Variants in MACF1 observed in about 807,000 individuals in gnomAD.
The protein encoded by MACF1 is microtubule-actin cross-linking factor 1.
A neutral mutation model predicts 854.8 loss-of-function variants in MACF1; 193 were observed. The ratio of observed to expected loss-of-function variants is 0.23; its 90% CI spans 0.20 to 0.25. The LOEUF is 0.25. MACF1 is among the 10% of genes least tolerant of loss of function. MACF1 has a pLI of 1.00. For synonymous variants in MACF1, 3,185 were observed against 3,226.7 expected (o/e 0.99, Z 0.44); for missense variants, 7,722 against 8,929.1 (o/e 0.86, Z 5.45).
At chr1:39,418,660 C>T (rs2148629833) in intron 58 of MACF1, among the ~76,000 whole-genome samples, 1 of 152,320 alleles carries the variant, frequency 6.6e-6, no homozygotes, top group East Asian at 1.9e-4. Flanking sequence ...GTCAGGAGTT[C>T]AAGACCAGCC....
chr1:39,344,981 T>C lies in MACF1; in HGVS notation c.10582-1996T>C, dbSNP rs1431365052. Among the ~76,000 whole-genome samples the C allele has an allele frequency of 2.6e-5, 4 of 152,058 alleles. No homozygotes were observed. In the East Asian group the frequency reaches 7.7e-4, roughly 29 times the overall value. ...TCTTGGAGGTGACCATCAGGTGATG[T>C]GGAGGTGGGCAGGGCCTCTCATGCC... is the stretch of plus-strand genomic sequence containing the variant. On this transcript the variant is annotated intron_variant, in intron 40 of 100. Coordinates refer to ENST00000564288, the MANE Select transcript of MACF1 (RefSeq NM_001394062.1).
At chr1:39,190,602 G>C (rs1272849697) in intron 2 of MACF1, among the ~76,000 whole-genome samples, 1 of 151,412 alleles carries the variant, frequency 6.6e-6, no homozygotes. Context: ...GCCTCCCAAA[G>C]TACTGCGATT....
rs778731277 is a variant in MACF1 at position 39,428,111 on chromosome 1, G to T, written c.16627G>T (p.Asp5543Tyr). ...GCAGGCCCGATACAGTGAAATTCAA[G>T]ACCGCTGTTGTCGGAAGGCAGCCCT... ...SLQARYSEIQ[D>Y]RCCRKAALLD... The change falls in exon 63 of 101, where the codon GAC becomes TAC. Residue 5543 changes from aspartate to tyrosine, a missense_variant. Asp to Tyr is a radical substitution (Grantham distance 160, BLOSUM62 -3). Coordinates refer to ENST00000564288, the MANE Select transcript of MACF1 (RefSeq NM_001394062.1). 1 of 1,614,202 alleles carries T rather than the reference G, an allele frequency of 6.2e-7. No homozygotes were observed. The highest frequency in any genetic ancestry group is 8.5e-7 in the Non-Finnish European group (1 of 1,180,044).
At chr1:39,176,628 A>G (rs904052183) in intron 2 of MACF1, among the ~76,000 whole-genome samples, 1 of 152,140 alleles carries the variant, frequency 6.6e-6, no homozygotes. Flanking sequence ...AATTCTTGTT[A>G]TACTTACTAA....
At chr1:39,347,577 T>C (rs1647082619) in intron 41 of MACF1, among the ~76,000 whole-genome samples, 1 of 152,200 alleles carries the variant, frequency 6.6e-6, no homozygotes, top group Non-Finnish European at 1.5e-5. Flanking sequence ...TTTTGAGGGC[T>C]CGTAAGAACA....
intron 2 of MACF1, among the ~76,000 whole-genome samples, chr1:39,136,860 A>G (rs79568645): frequency 0.031 from 4,688 of 152,312 alleles, 115 homozygotes; most frequent in Middle Eastern, 0.078. Context: ...GTATGACAGT[A>G]GAATAAAGAC....
At chr1:39,126,335 A>G (rs1475950575) in intron 2 of MACF1, among the ~76,000 whole-genome samples, 3 of 152,156 alleles carry the variant, frequency 2.0e-5, no homozygotes, top group African/African-American at 7.2e-5. Context: ...TCTGTGTTCA[A>G]ATGTCCCCTT....
intron 33 of MACF1, among the ~76,000 whole-genome samples, chr1:39,323,454 A>G (rs1646549711): frequency 6.6e-6 from 1 of 150,650 alleles, no homozygotes; most frequent in Admixed American, 6.6e-5. Context: ...ATATAATTAA[A>G]TTATTATATA....
At chr1:39,366,281 G>A (rs1648703602) in intron 49 of MACF1, among the ~76,000 whole-genome samples, 2 of 152,122 alleles carry the variant, frequency 1.3e-5, no homozygotes, top group Admixed American at 1.3e-4. Context: ...TTATGGATGT[G>A]TTTCCATCTA....
intron 72 of MACF1, among the ~76,000 whole-genome samples, chr1:39,440,158 G>A (rs1570090931): frequency 7.5e-6 from 1 of 133,446 alleles, no homozygotes; most frequent in African/African-American, 3.0e-5. Flanking sequence ...GGTCACCCAG[G>A]CTGGATTGCA....
Position 39,480,908 on chromosome 1 carries a change from T to G in MACF1, c.22171-12T>G. The G allele has an allele frequency of 1.4e-6, 2 of 1,466,754 alleles. No homozygotes were observed. Among genetic ancestry groups the G allele is most frequent in the Non-Finnish European group, 1.9e-6 (2 of 1,070,384 alleles). The allele number at this position is 1,466,754 out of a possible 1,614,324, so 90.9% of individuals were successfully genotyped here. ...TTGTTCCTGTCCTTCCCTTTGGATT[T>G]CCGTTTCACAGACTTCACTTCAGTT... On this transcript the variant is annotated splice_polypyrimidine_tract_variant and intron_variant, in intron 98 of 100. Transcript: ENST00000564288.
chr1:39,177,196 C>T (rs1644040526), intron 2 of MACF1, among the ~76,000 whole-genome samples: 1 of 152,062 alleles, frequency 6.6e-6, no homozygotes, highest in Non-Finnish European at 1.5e-5. Context: ...AGTGCAATGG[C>T]GCAATCTTGG....
At chr1:39,225,406 CAG>C (rs1461116987) in intron 1 of MACF1, among the ~76,000 whole-genome samples, 1 of 151,348 alleles carries the variant, frequency 6.6e-6, no homozygotes, top group African/African-American at 2.4e-5. Context: ...TTAGTAGAGA[CAG>C]GGTTTCACCT....
intron 2 of MACF1, among the ~76,000 whole-genome samples, chr1:39,086,867 T>G (rs1271335259): frequency 6.6e-6 from 1 of 152,180 alleles, no homozygotes; most frequent in Non-Finnish European, 1.5e-5. Flanking sequence ...CTGACACTGC[T>G]GAATGCCTCT....
At chr1:39,187,895 T>TCTGTCTCTCTCTGTCTCTCTCTC (rs1553160207) in intron 2 of MACF1, among the ~76,000 whole-genome samples, 1 of 68,398 alleles carries the variant, frequency 1.5e-5, no homozygotes, top group South Asian at 8.8e-4. Context: ...TCTCTCTCTC[T>TCTGTCTCTCTCTGTCTCTCTCTC]CTCTCTCCTC....
intron 2 of MACF1, among the ~76,000 whole-genome samples, chr1:39,135,229 GT>G (rs946857210): frequency 2.0e-5 from 3 of 151,926 alleles, no homozygotes; most frequent in Non-Finnish European, 2.9e-5. Flanking sequence ...TTATTTTTGG[GT>G]TTTTTTGACA....
At chr1:39,316,368 G>C (rs1203170794) in intron 27 of MACF1, 23 bp from the exon 28 acceptor site, 1 of 1,582,694 alleles carries the variant, frequency 6.3e-7, no homozygotes, top group East Asian at 2.3e-5. Flanking sequence ...TGTTAATGAA[G>C]GAATGTGTAT....
intron 58 of MACF1, among the ~76,000 whole-genome samples, chr1:39,418,969 A>G (rs969942462): frequency 2.0e-5 from 3 of 152,210 alleles, no homozygotes; most frequent in Admixed American, 6.5e-5. Flanking sequence ...AACAATTTTT[A>G]CTAGTGTACT....
At chr1:39,412,114 T>A (rs768355724) in intron 58 of MACF1, 8 of 1,613,880 alleles carry the variant, frequency 5.0e-6, no homozygotes, top group Non-Finnish European at 5.1e-6. Context: ...AGAAAAATTA[T>A]CAGGCTTCAT....
Sources: allele counts gnomAD v4.1 joint callset (sites outside exome capture counted in the v4.1 genomes callset), GRCh38; gene constraint gnomAD v4.1.1; transcripts MANE v1.5; gene names NCBI Gene and HGNC (gene_info 2026-07-23, HGNC 2026-07-21).